Variants in TEK observed in about 807,000 individuals in gnomAD.
The protein encoded by TEK is angiopoietin-1 receptor.
In TEK, 43 loss-of-function variants were observed where a neutral mutation model predicts 131.8. That is an observed-to-expected ratio of 0.33 (90% CI 0.26 to 0.42). The LOEUF (loss-of-function observed/expected upper bound fraction) is 0.42, where lower values mean the gene tolerates loss of function less well. TEK is among the 10% of genes least tolerant of loss of function. The pLI, the probability that TEK is intolerant of heterozygous loss-of-function variation, is 1.00. For missense variants in TEK, 1,162 were observed against 1,384.4 expected, an observed-to-expected ratio of 0.84 and a Z score of 2.55; for synonymous variants, 580 against 491.6, an observed-to-expected ratio of 1.18 and a Z score of -2.38.
At position 27,158,029 on chromosome 9, in the gene TEK, A is replaced by T. The variant is rs1349425817; in HGVS notation, c.251A>T (p.Lys84Ile). 1 of 1,614,194 alleles carries T rather than the reference A, an allele frequency of 6.2e-7. No individual in the cohort carries two copies. The highest frequency in any genetic ancestry group is 1.7e-5 in the Admixed American group (1 of 60,032). Residue 84 changes from lysine to isoleucine, a missense_variant, in exon 2 of 23, where the codon AAA becomes ATA. Coordinates refer to ENST00000380036, the MANE Select transcript of TEK (RefSeq NM_000459.5). The stretch of plus-strand genomic sequence containing the variant: ...CAAGATGTGACCAGAGAATGGGCTA[A>T]AAAAGTTGTTTGGAAGAGAGAAAAG... ...VTQDVTREWA[K>I]KVVWKREKAS... is the part of the protein sequence containing the mutation.
At chr9:27,143,550 C>G (rs1822806717) in intron 1 of TEK, among the ~76,000 whole-genome samples, 1 of 152,100 alleles carries the variant, frequency 6.6e-6, no homozygotes, top group Non-Finnish European at 1.5e-5. Context: ...TAGAGCCAGC[C>G]CATGACCAGA....
intron 1 of TEK, among the ~76,000 whole-genome samples, chr9:27,136,576 C>G (rs1338873878): frequency 6.6e-6 from 1 of 152,110 alleles, no homozygotes; most frequent in Non-Finnish European, 1.5e-5. Flanking sequence ...GATGGACATA[C>G]AGCCACAATC....
Position 27,169,643 on chromosome 9 carries a change from A to G in TEK, c.628+14A>G, listed in dbSNP as rs756471035. The G allele has an allele frequency of 3.8e-5, 62 of 1,613,812 alleles. No homozygotes were observed. Among genetic ancestry groups the G allele is most frequent in the East Asian group, 2.5e-4 (11 of 44,886 alleles). ...TGATAGTCCGGAGTAAGTGATGGAG[A>G]GGCCACCATTTGTGATGGTGTAGTT... is the stretch of plus-strand genomic sequence containing the variant. On this transcript the variant is annotated intron_variant, in intron 4 of 22. Transcript: ENST00000380036.
At chr9:27,218,644 G>C (rs1825921389) in intron 19 of TEK, 133 bp from the exon 20 acceptor site, 2 of 854,638 alleles carry the variant, frequency 2.3e-6, no homozygotes, top group African/African-American at 3.3e-5. Flanking sequence ...CTGTGTGCAA[G>C]GGCCTATCCT....
intron 15 of TEK, among the ~76,000 whole-genome samples, chr9:27,207,503 C>A (rs1825439717): frequency 6.6e-6 from 1 of 152,152 alleles, no homozygotes; most frequent in Admixed American, 6.5e-5. Flanking sequence ...CTGTTTGGTA[C>A]CTACCCATCT....
intron 21 of TEK, among the ~76,000 whole-genome samples, chr9:27,223,340 A>C (rs1330819978): frequency 6.6e-6 from 1 of 152,224 alleles, no homozygotes; most frequent in East Asian, 1.9e-4. Flanking sequence ...TCAGCACCTC[A>C]TCACACTTAA....
chr9:27,118,584 G>A (rs567276490), intron 1 of TEK, among the ~76,000 whole-genome samples: 3 of 152,124 alleles, frequency 2.0e-5, no homozygotes, highest in African/African-American at 4.8e-5. Context: ...CATGAATGTC[G>A]TGATCATGCC....
At position 27,185,565 on chromosome 9, in the gene TEK, T is replaced by A. The variant is rs745378023; in HGVS notation, c.1263T>A (p.Val421=). The A allele has an allele frequency of 1.2e-6, 2 of 1,613,728 alleles. No individual in the cohort carries two copies. Among genetic ancestry groups the A allele is most frequent in the African/African-American group, 2.7e-5 (2 of 74,882 alleles). Reference sequence around the variant, plus strand: ...GGATCCTCCCCCCTGACTCAGGAGTTTGGGTCTGCAGTGTGAACACAGTGG... The same window carrying A: ...GGATCCTCCCCCCTGACTCAGGAGTATGGGTCTGCAGTGTGAACACAGTGG... The part of the protein sequence containing the change: ...IHRILPPDSG[V]WVCSVNTVAG... The change falls in exon 9 of 23, where the codon GTT becomes GTA. Residue 421 remains valine (V), a synonymous_variant. Transcript: ENST00000380036.
At chr9:27,173,408 T>G in intron 6 of TEK, 46 bp downstream of exon 6, 1 of 1,612,576 alleles carries the variant, frequency 6.2e-7, no homozygotes, top group Non-Finnish European at 8.5e-7. Flanking sequence ...CTAGCAGGTA[T>G]ATAAAGGAGA....
rs1826495214 is a variant in TEK at position 27,229,847 on chromosome 9, G to C, written c.*615G>C. On this transcript the variant is annotated 3_prime_UTR_variant, in exon 23 of 23. Transcript: ENST00000380036. ...TTTCCACAGCCTGCAAGTCAGTCCA[G>C]GATGCTAACATCTAAAAATAGACTT... 1 of 154,270 alleles carries C rather than the reference G, an allele frequency of 6.5e-6. No individual in the cohort carries two copies. The highest frequency in any genetic ancestry group is 6.3e-5 in the Admixed American group (1 of 15,754). The allele number at this position is 154,270 out of a possible 1,614,324, so 9.6% of individuals were successfully genotyped here.
At chr9:27,186,861 T>A (rs1264790591) in intron 9 of TEK, among the ~76,000 whole-genome samples, 1 of 152,196 alleles carries the variant, frequency 6.6e-6, no homozygotes. Flanking sequence ...AACAGTAGCG[T>A]AAATGCAACC....
chr9:27,137,247 A>G (rs1198033272), intron 1 of TEK, among the ~76,000 whole-genome samples: 2 of 152,076 alleles, frequency 1.3e-5, no homozygotes, highest in African/African-American at 2.4e-5. Context: ...AACTTCACGG[A>G]TATTTTCATA....
In TEK at chr9:27,225,539, G is replaced by A. The variant is rs140876585; in HGVS notation, c.3201-2667G>A. Among the ~76,000 whole-genome samples, 643 of 152,296 alleles carry A rather than the reference G, an allele frequency of 4.2e-3. 1 individual carries two copies. Among genetic ancestry groups the A allele is most frequent in the Non-Finnish European group, 6.8e-3 (465 of 68,018 alleles). ...CGTTGGGAAAACTGGCTAGCCATAT[G>A]CAGAAAACTGAAATTGGACCCCTTC... On this transcript the variant is annotated intron_variant, in intron 21 of 22. Coordinates refer to ENST00000380036, the MANE Select transcript of TEK (RefSeq NM_000459.5).
At chr9:27,153,063 A>G (rs1305496325) in intron 1 of TEK, among the ~76,000 whole-genome samples, 1 of 152,192 alleles carries the variant, frequency 6.6e-6, no homozygotes, top group East Asian at 1.9e-4. Context: ...GTTATGCTTC[A>G]CTTGTGATGC....
intron 20 of TEK, among the ~76,000 whole-genome samples, chr9:27,219,774 T>TATAATAGATGTGCTTTGTGTGGGGAGA (rs1825986643): frequency 6.9e-6 from 1 of 145,134 alleles, no homozygotes; most frequent in African/African-American, 2.6e-5. Context: ...ATCTTATTGG[T>TATAATAGATGTGCTTTGTGTGGGGAGA]ATAATAGATG....
At chr9:27,194,331 G>C (rs1006816748) in intron 11 of TEK, among the ~76,000 whole-genome samples, 3 of 152,074 alleles carry the variant, frequency 2.0e-5, no homozygotes, top group Admixed American at 2.0e-4. Flanking sequence ...CACCCACCTA[G>C]TTTTTATGTT....
chr9:27,199,192 C>T (rs1199059342), intron 12 of TEK, among the ~76,000 whole-genome samples: 2 of 152,120 alleles, frequency 1.3e-5, no homozygotes, highest in African/African-American at 2.4e-5. Context: ...TTTATCGATC[C>T]ATGTTTATTT....
intron 8 of TEK, among the ~76,000 whole-genome samples, chr9:27,184,071 C>T (rs1023959553): frequency 3.3e-5 from 5 of 152,148 alleles, no homozygotes; most frequent in African/African-American, 1.2e-4. Flanking sequence ...ACTCCTATTA[C>T]GCTCTTTGGA....
In TEK at chr9:27,228,222, C is replaced by A; in HGVS notation, c.3217C>A (p.Gln1073Lys). The change falls in exon 22 of 23, where the codon CAA becomes AAA. Residue 1073 changes from glutamine (Q) to lysine (K), a missense_variant. By Grantham distance (53) the Gln-to-Lys change is moderately conservative. Coordinates refer to ENST00000380036, the MANE Select transcript of TEK (RefSeq NM_000459.5). ...CTTTCGAAGGTATGATCTAATGAGA[C>A]AATGCTGGCGGGAGAAGCCTTATGA... ...CDDEVYDLMR[Q>K]CWREKPYERP... 1 of 1,612,864 alleles carries A rather than the reference C, an allele frequency of 6.2e-7. No homozygotes were observed. Among genetic ancestry groups the A allele is most frequent in the Non-Finnish European group, 8.5e-7 (1 of 1,179,114 alleles).
Sources: allele counts gnomAD v4.1 joint callset (sites outside exome capture counted in the v4.1 genomes callset), GRCh38; gene constraint gnomAD v4.1.1; transcripts MANE v1.5; gene names NCBI Gene and HGNC (gene_info 2026-07-23, HGNC 2026-07-21).